The following COL25A1 variants were observed in gnomAD, a reference collection of about 807,000 sequenced individuals.
COL25A1 encodes collagen alpha-1(XXV) chain.
COL25A1 carries 103 observed loss-of-function variants against 128.4 expected under a neutral mutation model. The ratio of observed to expected loss-of-function variants is 0.80; its 90% CI spans 0.68 to 0.94. COL25A1 has a LOEUF of 0.94. Among genes scored for constraint, COL25A1 ranks in the 40% least tolerant of loss-of-function variants. COL25A1 has a pLI of 0.00. For synonymous variants in COL25A1, 279 were observed against 277.2 expected, an observed-to-expected ratio of 1.01 and a Z score of -0.06; for missense variants, 745 against 840.0, an observed-to-expected ratio of 0.89 and a Z score of 1.40.
chr4:109,053,414 C>T (rs1034583544), intron 3 of COL25A1, among the ~76,000 whole-genome samples: 10 of 152,154 alleles, frequency 6.6e-5, no homozygotes, highest in Admixed American at 2.0e-4. Context: ...ATTGTTTGAA[C>T]GCTCTATTCC....
chr4:109,143,972 A>AT (rs1770691104), intron 3 of COL25A1, among the ~76,000 whole-genome samples: 1 of 152,026 alleles, frequency 6.6e-6, no homozygotes, highest in Non-Finnish European at 1.5e-5. Flanking sequence ...AAGAAGAGGC[A>AT]TTCTGGTTTC....
chr4:109,159,784 T>C (rs867119685), intron 3 of COL25A1, among the ~76,000 whole-genome samples: 6 of 152,194 alleles, frequency 3.9e-5, no homozygotes, highest in Non-Finnish European at 7.3e-5. Context: ...TCTAACATTT[T>C]GGAGGCAGAA....
chr4:108,995,780 C>T (rs1249655591), intron 6 of COL25A1, among the ~76,000 whole-genome samples: 1 of 152,130 alleles, frequency 6.6e-6, no homozygotes, highest in Non-Finnish European at 1.5e-5. Context: ...TCGGCAGAAA[C>T]CCTATAAGCC....
Position 109,018,015 on chromosome 4 carries a change from A to G in COL25A1, c.421-7640T>C, listed in dbSNP as rs145322295. On this transcript the variant is annotated intron_variant, in intron 5 of 37. Coordinates refer to ENST00000399132, the MANE Select transcript of COL25A1 (RefSeq NM_198721.4). ...AATTTCATTATCTTTAAAATTCTCAAGTTCACACACTGAGATGTCAAGCTT... is the reference window on the plus strand; with the variant it reads ...AATTTCATTATCTTTAAAATTCTCAGGTTCACACACTGAGATGTCAAGCTT... Among the ~76,000 whole-genome samples the G allele has an allele frequency of 8.5e-3, 1,300 of 152,224 alleles. 7 individuals carry two copies. The highest frequency in any genetic ancestry group is 0.03 in the South Asian group (143 of 4,830).
intron 3 of COL25A1, among the ~76,000 whole-genome samples, chr4:109,237,531 C>T (rs754426731): frequency 6.6e-6 from 1 of 150,910 alleles, no homozygotes; most frequent in African/African-American, 2.4e-5. Flanking sequence ...AGAGAGTTGC[C>T]GTAAGGGTTA....
At chr4:109,258,230 C>T (rs371313537) in intron 3 of COL25A1, among the ~76,000 whole-genome samples, 2 of 152,170 alleles carry the variant, frequency 1.3e-5, no homozygotes, top group Non-Finnish European at 1.5e-5. Context: ...CTGTTTTGAC[C>T]ATATTACACT....
chr4:109,111,617 C>T (rs1305956744), intron 3 of COL25A1, among the ~76,000 whole-genome samples: 1 of 152,106 alleles, frequency 6.6e-6, no homozygotes, highest in Admixed American at 6.5e-5. Context: ...AATGGCTGGA[C>T]CTTCTGGTAA....
At chr4:109,215,714 C>T (rs1221851104) in intron 3 of COL25A1, among the ~76,000 whole-genome samples, 1 of 152,010 alleles carries the variant, frequency 6.6e-6, no homozygotes, top group East Asian at 1.9e-4. Context: ...AGAGAAAGTC[C>T]CATGAGGGCA....
rs563186386 is a variant in COL25A1 at position 108,848,513 on chromosome 4, T to C, written c.1434+246A>G. On this transcript the variant is annotated intron_variant, in intron 27 of 37. Coordinates refer to ENST00000399132, the MANE Select transcript of COL25A1 (RefSeq NM_198721.4). ...TGATTTTACAAGTCTATTAAAAATT[T>C]GCAGGGGAGTCACTGGTAGGTTGAT... Among the ~76,000 whole-genome samples the C allele has an allele frequency of 5.3e-5, 8 of 152,314 alleles. No homozygotes were observed. The South Asian group carries it at 1.7e-3, about 32-fold the overall frequency.
At position 108,869,277 on chromosome 4, in the gene COL25A1, T is replaced by C. The variant is rs2125809306; in HGVS notation, c.1021-127A>G. 5.3e-6 allele frequency: 3 copies of C among 566,258 alleles called. No individual in the cohort carries two copies. The Admixed American group carries it at 1.1e-4, about 21-fold the overall frequency. The allele number at this position is 566,258 out of a possible 1,614,324, so 35.1% of individuals were successfully genotyped here. A position where few individuals can be genotyped will look rare whatever the true frequency, so the allele number is the denominator to read the frequency against. ...TTTTACTTCCCTGGTTGTATACAGC[T>C]TTCTTGCCGAGATCCAGCTACTTGC... On this transcript the variant is annotated intron_variant, in intron 19 of 37. Coordinates refer to ENST00000399132, the MANE Select transcript of COL25A1 (RefSeq NM_198721.4).
At chr4:109,042,504 T>C (rs960248966) in intron 5 of COL25A1, among the ~76,000 whole-genome samples, 3 of 151,958 alleles carry the variant, frequency 2.0e-5, no homozygotes, top group Non-Finnish European at 4.4e-5. Context: ...TTTGTTATGG[T>C]GACTGTTATA....
chr4:109,008,946 C>T (rs937423324), intron 6 of COL25A1, among the ~76,000 whole-genome samples: 1 of 151,886 alleles, frequency 6.6e-6, no homozygotes, highest in South Asian at 2.1e-4. Context: ...CATGGTGAAA[C>T]CTCATCTCCA....
intron 31 of COL25A1, among the ~76,000 whole-genome samples, chr4:108,839,267 C>A (rs1734151136): frequency 6.6e-6 from 1 of 152,142 alleles, no homozygotes; most frequent in African/African-American, 2.4e-5. Flanking sequence ...TCAGGAAATT[C>A]TGGGAAACAC....
At chr4:109,128,451 T>C (rs1288086260) in intron 3 of COL25A1, among the ~76,000 whole-genome samples, 3 of 152,232 alleles carry the variant, frequency 2.0e-5, no homozygotes, top group African/African-American at 7.2e-5. Context: ...TGTGGGTCCC[T>C]GCTTCGAGCT....
intron 16 of COL25A1, among the ~76,000 whole-genome samples, chr4:108,892,943 G>A (rs1374089477): frequency 6.6e-6 from 1 of 152,142 alleles, no homozygotes; most frequent in Admixed American, 6.6e-5. Context: ...GACAGCAACA[G>A]TATTCTAAAT....
At chr4:109,050,657 G>A (rs1323548234) in intron 3 of COL25A1, among the ~76,000 whole-genome samples, 1 of 151,976 alleles carries the variant, frequency 6.6e-6, no homozygotes, top group Non-Finnish European at 1.5e-5. Context: ...GTATATATTA[G>A]TAATGGAAAA....
At chr4:109,032,310 T>A (rs1420135499) in intron 5 of COL25A1, among the ~76,000 whole-genome samples, 3 of 152,156 alleles carry the variant, frequency 2.0e-5, no homozygotes, top group Non-Finnish European at 4.4e-5. Flanking sequence ...TCTTTAAAAA[T>A]TCATTCTTAT....
chr4:109,008,750 C>G (rs1162604552), intron 6 of COL25A1, among the ~76,000 whole-genome samples: 1 of 41,864 alleles, frequency 2.4e-5, no homozygotes, highest in Admixed American at 3.7e-4. Flanking sequence ...CACATACATG[C>G]GCGCGCACAC....
chr4:108,899,827 A>G (rs902260427), intron 14 of COL25A1, among the ~76,000 whole-genome samples: 1 of 152,104 alleles, frequency 6.6e-6, no homozygotes, highest in East Asian at 1.9e-4. Flanking sequence ...TCCTTATTCA[A>G]AATGATGACC....
Sources: allele counts gnomAD v4.1 joint callset (sites outside exome capture counted in the v4.1 genomes callset), GRCh38; gene constraint gnomAD v4.1.1; transcripts MANE v1.5; gene names NCBI Gene and HGNC (gene_info 2026-07-23, HGNC 2026-07-21).